The following CRMP1 variants were observed in gnomAD, a reference collection of about 807,000 sequenced individuals.
CRMP1 encodes dihydropyrimidinase-related protein 1.
CRMP1 carries 19 observed loss-of-function variants against 68.3 expected under a neutral mutation model. The ratio of observed to expected loss-of-function variants is 0.28; its 90% CI spans 0.19 to 0.41. The LOEUF is 0.41. Ranked by LOEUF, CRMP1 falls within the 10% of genes least tolerant of loss-of-function variation. CRMP1 has a pLI of 1.00. For synonymous variants in CRMP1, 439 were observed against 399.6 expected (o/e 1.10, Z -1.18); for missense variants, 791 against 967.4 (o/e 0.82, Z 2.42).
intron 2 of CRMP1, among the ~76,000 whole-genome samples, chr4:5,863,611 C>T (rs969611936): frequency 2.6e-5 from 4 of 152,012 alleles, no homozygotes; most frequent in Non-Finnish European, 5.9e-5. Flanking sequence ...AGACAGACGC[C>T]CCTCCCCCAA....
chr4:5,828,629 C>T lies in CRMP1; in HGVS notation c.1663G>A (p.Gly555Ser). 6.2e-7 allele frequency: 1 copy of T among 1,614,148 alleles called. No homozygotes were observed. Among genetic ancestry groups the T allele is most frequent in the Non-Finnish European group, 8.5e-7 (1 of 1,180,032 alleles). The part of the protein sequence containing the change: ...YNIFEGMECH[G>S]SPLVVISQGK... ...TGGCTGATGACCACTAGTGGGGAGCCGTGGCACTCCATACCCTCGAAGATG... is the reference window on the plus strand; with the variant it reads ...TGGCTGATGACCACTAGTGGGGAGCTGTGGCACTCCATACCCTCGAAGATG... The change falls in exon 12 of 14, where the codon GGC becomes AGC. Residue 555 changes from glycine to serine, a missense_variant. Gly to Ser is a moderately conservative substitution (Grantham distance 56). Transcript: ENST00000324989.
In CRMP1 at chr4:5,892,939, C is replaced by A; in HGVS notation, c.31G>T (p.Glu11Ter). The A allele has an allele frequency of 7.9e-7, 1 of 1,264,802 alleles. No homozygotes were observed. The highest frequency in any genetic ancestry group is 1.0e-6 in the Non-Finnish European group (1 of 1,002,732). 78.3% of individuals were successfully genotyped at this position (1,264,802 alleles called of 1,614,324 possible). A position where few individuals can be genotyped will look rare whatever the true frequency, so the allele number is the denominator to read the frequency against. MADRRRAWNTEDDLPVYLARP... is the reference protein window; with the variant it reads MADRRRAWNT ...GCCAGGTACACGGGCAGGTCGTCCT[C>A]GGTGTTCCACGCGCGCCGCCGGTCC... Residue 11 changes from glutamate (E) to a stop codon, truncating the protein, a stop_gained, in exon 1 of 14, where the codon GAG (glutamate) becomes TAG (stop). Coordinates refer to ENST00000324989, the MANE Select transcript of CRMP1 (RefSeq NM_001014809.3). LOFTEE classifies it high-confidence loss of function. The surrounding 1 kb of genome is among the most constrained non-coding windows in gnomAD (Gnocchi z 8.6).
chr4:5,851,017 G>A (rs537844938), intron 5 of CRMP1, among the ~76,000 whole-genome samples: 1 of 152,214 alleles, frequency 6.6e-6, no homozygotes, highest in African/African-American at 2.4e-5. Flanking sequence ...CTGTGTCAGA[G>A]CTCATAAATG....
Position 5,892,382 on chromosome 4 carries a change from G to T in CRMP1, c.381+207C>A, listed in dbSNP as rs1327742971. ...CGGGCGATCCCTTCCGAGTCTCACG[G>T]ACCACGCCGGCCAGCCCCGACCGAG... On this transcript the variant is annotated intron_variant, in intron 1 of 13. Coordinates refer to ENST00000324989, the MANE Select transcript of CRMP1 (RefSeq NM_001014809.3). The surrounding 1 kb of genome is among the most constrained non-coding windows in gnomAD (Gnocchi z 8.6). 5.3e-5 allele frequency among the ~76,000 whole-genome samples: 8 copies of T among 152,174 alleles called. No homozygotes were observed. Among genetic ancestry groups the T allele is most frequent in the Non-Finnish European group, 1.2e-4 (8 of 68,010 alleles).
rs530974326 is a variant in CRMP1 at position 5,859,322 on chromosome 4, G to A, written c.655+1704C>T. On this transcript the variant is annotated intron_variant, in intron 3 of 13. Transcript: ENST00000324989. This position sits in a 1 kb window ranked among gnomAD's most constrained non-coding sequence, Gnocchi z 5.2. ...GGAAACTGCCCTTCACAGGTGAGGA[G>A]GATAAGGCTTACAGGGCAGGGCTCC... 6.6e-6 allele frequency among the ~76,000 whole-genome samples: 1 copy of A among 152,290 alleles called. No individual in the cohort carries two copies. Among genetic ancestry groups the A allele is most frequent in the African/African-American group, 2.4e-5 (1 of 41,564 alleles).
At position 5,858,181 on chromosome 4, in the gene CRMP1, TG is replaced by T. The variant is rs988374799; in HGVS notation, c.656-1875del. ...CCACCTTCTGGCTTTTTCGTTCCTT[TG>T]TCCTACTTCTTTGGCTGCCGCTTCT... On this transcript the variant is annotated intron_variant, in intron 3 of 13. Transcript: ENST00000324989. The surrounding 1 kb of genome is among the most constrained non-coding windows in gnomAD (Gnocchi z 5.5). Among the ~76,000 whole-genome samples, 1 of 152,108 alleles carries T rather than the reference TG, an allele frequency of 6.6e-6. No individual in the cohort carries two copies. The highest frequency in any genetic ancestry group is 1.5e-5 in the Non-Finnish European group (1 of 68,032).
chr4:5,823,210 G>T (rs963838168), intron 13 of CRMP1, among the ~76,000 whole-genome samples: 7 of 152,160 alleles, frequency 4.6e-5, no homozygotes, highest in Admixed American at 4.6e-4. Context: ...CAGTAGACTA[G>T]ATGAGCCCCT....
In CRMP1 at chr4:5,821,598, T is replaced by C; in HGVS notation, c.*162A>G. ...GAATTTCCAAGCAAACACACCACAC[T>C]AGTACCACTTCTTCCTAAACAGAAA... On this transcript the variant is annotated 3_prime_UTR_variant, in exon 14 of 14. Coordinates refer to ENST00000324989, the MANE Select transcript of CRMP1 (RefSeq NM_001014809.3). The surrounding 1 kb of genome is among the most constrained non-coding windows in gnomAD (Gnocchi z 4.4). 1 of 686,974 alleles carries C rather than the reference T, an allele frequency of 1.5e-6. No individual in the cohort carries two copies. The highest frequency in any genetic ancestry group is 2.7e-5 in the East Asian group (1 of 36,402). 42.6% of individuals were successfully genotyped at this position (686,974 alleles called of 1,614,324 possible). A position where few individuals can be genotyped will look rare whatever the true frequency, so the allele number is the denominator to read the frequency against.
rs1162638774 is a variant in CRMP1 at position 5,853,843 on chromosome 4, C to T, written c.820+2300G>A. The stretch of plus-strand genomic sequence containing the variant: ...AATAAGTCAGGCACAGAAAGGCAAA[C>T]ACTGCAGCATCTCACTTATATGTGG... On this transcript the variant is annotated intron_variant, in intron 4 of 13. Transcript: ENST00000324989. This position sits in a 1 kb window ranked among gnomAD's most constrained non-coding sequence, Gnocchi z 4.7. 6.6e-6 allele frequency among the ~76,000 whole-genome samples: 1 copy of T among 152,252 alleles called. No individual in the cohort carries two copies. Among genetic ancestry groups the T allele is most frequent in the African/African-American group, 2.4e-5 (1 of 41,474 alleles).
At chr4:5,871,820 T>C (rs925061166) in intron 1 of CRMP1, among the ~76,000 whole-genome samples, 3 of 152,228 alleles carry the variant, frequency 2.0e-5, no homozygotes, top group African/African-American at 7.2e-5. Flanking sequence ...TCAGGTCCCT[T>C]TGTGGTGTGG....
chr4:5,876,786 C>G (rs924842772), intron 1 of CRMP1, among the ~76,000 whole-genome samples: 1 of 151,480 alleles, frequency 6.6e-6, no homozygotes, highest in Non-Finnish European at 1.5e-5. Flanking sequence ...CATGGCCCAG[C>G]TGGTCCTCAG....
Position 5,892,674 on chromosome 4 carries a change from G to T in CRMP1, c.296C>A (p.Pro99His). 8.2e-7 allele frequency: 1 copy of T among 1,215,984 alleles called. No homozygotes were observed. Among genetic ancestry groups the T allele is most frequent in the Non-Finnish European group, 1.0e-6 (1 of 978,356 alleles). The allele number at this position is 1,215,984 out of a possible 1,614,324, so 75.3% of individuals were successfully genotyped here. ...SEPSGSAVSS[P>H]GERDERPPTL... ...CGGCGGCCGCTCGTCGCGCTCTCCG[G>T]GAGAGCTGACCGCGGAGCCCGAGGG... The change falls in exon 1 of 14, where the codon CCC becomes CAC. Residue 99 changes from proline (P) to histidine (H), a missense_variant. Around this residue, in one of 3 missense-constraint regions of CRMP1, gnomAD observed 193 missense variants for 186.3 expected, o/e 1.04. Transcript: ENST00000324989. This position sits in a 1 kb window ranked among gnomAD's most constrained non-coding sequence, Gnocchi z 8.6.
chr4:5,825,790 A>G lies in CRMP1; in HGVS notation c.1804-131T>C. The G allele has an allele frequency of 2.6e-6, 2 of 780,742 alleles. No individual in the cohort carries two copies. Among genetic ancestry groups the G allele is most frequent in the South Asian group, 3.7e-5 (2 of 53,562 alleles). 48.4% of individuals were successfully genotyped at this position (780,742 alleles called of 1,614,324 possible). A position where few individuals can be genotyped will look rare whatever the true frequency, so the allele number is the denominator to read the frequency against. On this transcript the variant is annotated intron_variant, in intron 12 of 13. Coordinates refer to ENST00000324989, the MANE Select transcript of CRMP1 (RefSeq NM_001014809.3). The surrounding 1 kb of genome is among the most constrained non-coding windows in gnomAD (Gnocchi z 4.4). ...CAAATGTGCATGCACACACACACAC[A>G]ACACGCACACACGACAGGTGCACTT...
At chr4:5,837,415 G>A (rs1720790411) in intron 9 of CRMP1, among the ~76,000 whole-genome samples, 3 of 150,236 alleles carry the variant, frequency 2.0e-5, no homozygotes, top group South Asian at 4.2e-4. Flanking sequence ...CTGAAGTCAG[G>A]AGATCGGGAC....
chr4:5,837,196 C>T (rs1382714241), intron 9 of CRMP1, among the ~76,000 whole-genome samples: 1 of 152,168 alleles, frequency 6.6e-6, no homozygotes, highest in Non-Finnish European at 1.5e-5. Context: ...TTGTGCTGTG[C>T]TTGCAGAACA....
In CRMP1 at chr4:5,844,579, G is replaced by C. The variant is rs576226414; in HGVS notation, c.964-1418C>G. Among the ~76,000 whole-genome samples, 5 of 152,312 alleles carry C rather than the reference G, an allele frequency of 3.3e-5. 1 individual carries two copies. The South Asian group carries it at 1.0e-3, about 32-fold the overall frequency. Reference sequence around the variant, plus strand: ...AGAGAAAGAGACACACAGGAACCAAGAAACTACAGAGAAGACCAGAGGAAC... The same window carrying C: ...AGAGAAAGAGACACACAGGAACCAACAAACTACAGAGAAGACCAGAGGAAC... On this transcript the variant is annotated intron_variant, in intron 6 of 13. Coordinates refer to ENST00000324989, the MANE Select transcript of CRMP1 (RefSeq NM_001014809.3).
chr4:5,887,940 T>C (rs73065534), intron 1 of CRMP1: 71,202 of 573,196 alleles, frequency 0.12, 5,110 homozygotes, highest in African/African-American at 0.24. Flanking sequence ...ATCCTCCCTG[T>C]CCACGCCATC....
rs1715751860 is a variant in CRMP1 at position 5,888,323 on chromosome 4, C to G, written c.381+4266G>C. On this transcript the variant is annotated intron_variant, in intron 1 of 13. Coordinates refer to ENST00000324989, the MANE Select transcript of CRMP1 (RefSeq NM_001014809.3). This position sits in a 1 kb window ranked among gnomAD's most constrained non-coding sequence, Gnocchi z 6.4. ...GACCTGCGGGGCTGTCTGACTGGAA[C>G]CGGCGCTCTCGGCCCCGCTCCCAGC... 8.0e-7 allele frequency: 1 copy of G among 1,243,058 alleles called. No homozygotes were observed. Among genetic ancestry groups the G allele is most frequent in the Non-Finnish European group, 1.0e-6 (1 of 988,542 alleles). 77.0% of individuals were successfully genotyped at this position (1,243,058 alleles called of 1,614,324 possible).
chr4:5,871,449 A>T (rs903239626), intron 1 of CRMP1, among the ~76,000 whole-genome samples: 5 of 152,140 alleles, frequency 3.3e-5, no homozygotes, highest in African/African-American at 9.7e-5. Flanking sequence ...TCACGAGGTC[A>T]GGAGATCAAG....
Sources: gnomAD v4.1 joint callset for allele counts (sites outside exome capture counted in the v4.1 genomes callset) on GRCh38, gnomAD v4.1.1 for gene constraint, gnomAD v4.1.1 regional missense constraint, Gnocchi (gnomAD v3.1) non-coding constraint, MANE v1.5 for transcripts, NCBI Gene and HGNC (gene_info 2026-07-23, HGNC 2026-07-21) for gene names.